Variants in SCGB3A1 observed in about 807,000 individuals in gnomAD.
SCGB3A1 encodes secretoglobin family 3A member 1, also known as cytokine HIN-1.
A neutral mutation model predicts 7.6 loss-of-function variants in SCGB3A1; 7 were observed. The observed-to-expected ratio is 0.93, with a 90% CI of 0.53 to 1.74. SCGB3A1 has a LOEUF of 1.74. Among genes scored for constraint, SCGB3A1 ranks in the 40% most tolerant of loss-of-function variants. The probability of loss-of-function intolerance (pLI) is 0.00; values close to 1 mark genes in which losing one functional copy is unlikely to be tolerated. For synonymous variants in SCGB3A1, 67 were observed against 66.6 expected, an observed-to-expected ratio of 1.01 and a Z score of -0.03; for missense variants, 119 against 129.0, an observed-to-expected ratio of 0.92 and a Z score of 0.38.
rs1381392472 is a variant in SCGB3A1 at position 180,590,111 on chromosome 5, T to TA, written c.*119dup. 8.5e-7 allele frequency: 1 copy of TA among 1,177,004 alleles called. No homozygotes were observed. Among genetic ancestry groups the TA allele is most frequent in the Non-Finnish European group, 1.2e-6 (1 of 806,780 alleles). 72.9% of individuals were successfully genotyped at this position (1,177,004 alleles called of 1,614,324 possible). On this transcript the variant is annotated 3_prime_UTR_variant, in exon 3 of 3. Coordinates refer to ENST00000292641, the MANE Select transcript of SCGB3A1 (RefSeq NM_052863.3). Reference sequence around the variant, plus strand: ...GAAAATACCAGGCTCGAGCTGCTCTTAACCACGTTTATTGAGAGGGGCCGG... The same window carrying TA: ...GAAAATACCAGGCTCGAGCTGCTCTTAAACCACGTTTATTGAGAGGGGCCGG...
chr5:180,591,172 G>A (rs1451675475), intron 1 of SCGB3A1: 4 of 408,338 alleles, frequency 9.8e-6, no homozygotes, highest in African/African-American at 6.2e-5. Flanking sequence ...CTCCAGACGG[G>A]GGGCAGACGG....
chr5:180,591,381 C>T lies in SCGB3A1; in HGVS notation c.52+30G>A, dbSNP rs1280025833. 5 of 1,221,152 alleles carry T rather than the reference C, an allele frequency of 4.1e-6. No individual in the cohort carries two copies. In the East Asian group the frequency reaches 1.3e-4, roughly 32 times the overall value. The allele number at this position is 1,221,152 out of a possible 1,614,324, so 75.6% of individuals were successfully genotyped here. ...GCGGGCGCCGAGGCCTCAGGCCCCACCGTGCGCGCCAGGAGCCCGGGGCGC... is the reference window on the plus strand; with the variant it reads ...GCGGGCGCCGAGGCCTCAGGCCCCATCGTGCGCGCCAGGAGCCCGGGGCGC... On this transcript the variant is annotated intron_variant, in intron 1 of 2. Coordinates refer to ENST00000292641, the MANE Select transcript of SCGB3A1 (RefSeq NM_052863.3).
At chr5:180,591,180 C>T (rs1368540201) in intron 1 of SCGB3A1, 2 of 406,348 alleles carry the variant, frequency 4.9e-6, no homozygotes, top group Non-Finnish European at 8.6e-6. Context: ...GGGGGGCAGA[C>T]GGGTGTCCCC....
chr5:180,591,417 T>C lies in SCGB3A1; in HGVS notation c.46A>G (p.Ser16Gly), dbSNP rs1343792741. 8.2e-7 allele frequency: 1 copy of C among 1,226,668 alleles called. No homozygotes were observed. The highest frequency in any genetic ancestry group is 4.3e-5 in the Admixed American group (1 of 23,484). 76.0% of individuals were successfully genotyped at this position (1,226,668 alleles called of 1,614,324 possible). The change falls in exon 1 of 3, where the codon AGC becomes GGC. Residue 16 changes from serine (S) to glycine (G), a missense_variant. By Grantham distance (56) the Ser-to-Gly change is moderately conservative. Coordinates refer to ENST00000292641, the MANE Select transcript of SCGB3A1 (RefSeq NM_052863.3). Reference protein sequence around the residue: ...LLGLCVALSCSSAAAFLVGSA... With the variant: ...LLGLCVALSCGSAAAFLVGSA... ...AGGAGCCCGGGGCGCTCACCGGAGC[T>C]GCAGGACAGGGCCACGCAGAGCCCC...
intron 2 of SCGB3A1, 43 bp downstream of exon 2, chr5:180,590,557 A>C (rs1327134438): frequency 2.0e-6 from 3 of 1,490,352 alleles, no homozygotes; most frequent in Non-Finnish European, 2.8e-6. Flanking sequence ...CTGGCCGGGA[A>C]GGGATGCCCG....
At chr5:180,591,314 G>T in intron 1 of SCGB3A1, 97 bp downstream of exon 1, 1 of 1,022,588 alleles carries the variant, frequency 9.8e-7, no homozygotes, top group Non-Finnish European at 1.2e-6. Flanking sequence ...AGGCTGGAAG[G>T]ACCTGGGATC....
Position 180,590,167 on chromosome 5 carries a change from G to A in SCGB3A1, c.*64C>T. The A allele has an allele frequency of 1.3e-6, 2 of 1,545,832 alleles. No homozygotes were observed. Among genetic ancestry groups the A allele is most frequent in the Non-Finnish European group, 1.8e-6 (2 of 1,137,964 alleles). On this transcript the variant is annotated 3_prime_UTR_variant, in exon 3 of 3. Coordinates refer to ENST00000292641, the MANE Select transcript of SCGB3A1 (RefSeq NM_052863.3). ...GGGGATGGACGGTCCTCCCCGCGGCGGGGTTTTCAGCCCTCGCGGGTGGGC... is the reference window on the plus strand; with the variant it reads ...GGGGATGGACGGTCCTCCCCGCGGCAGGGTTTTCAGCCCTCGCGGGTGGGC...
chr5:180,590,392 G>C, intron 2 of SCGB3A1, 138 bp from the exon 3 acceptor site: 1 of 1,215,438 alleles, frequency 8.2e-7, no homozygotes, highest in Non-Finnish European at 1.2e-6. Flanking sequence ...GCACCCGCGC[G>C]GGGCCATCTC....
At chr5:180,590,957 G>T (rs1009939563) in intron 1 of SCGB3A1, 119 bp from the exon 2 acceptor site, 5 of 716,906 alleles carry the variant, frequency 7.0e-6, no homozygotes, top group Non-Finnish European at 1.1e-5. Context: ...CTCCCCGACC[G>T]CCCCTCCCTC....
chr5:180,591,117 AG>A (rs1761307282), intron 1 of SCGB3A1: 1 of 440,002 alleles, frequency 2.3e-6, no homozygotes, highest in East Asian at 3.7e-5. Context: ...CAGGCCCCCA[AG>A]GGAGGGGACA....
intron 1 of SCGB3A1, 140 bp from the exon 2 acceptor site, chr5:180,590,978 G>C: frequency 1.6e-6 from 1 of 624,010 alleles, no homozygotes; most frequent in Non-Finnish European, 2.6e-6. Context: ...CTGCGCCGAG[G>C]CCTGCCAGGT....
chr5:180,590,977 G>A, intron 1 of SCGB3A1, 139 bp from the exon 2 acceptor site: 1 of 624,236 alleles, frequency 1.6e-6, no homozygotes, highest in Non-Finnish European at 2.6e-6. Context: ...CCTGCGCCGA[G>A]GCCTGCCAGG....
chr5:180,591,253 G>C (rs1391638307), intron 1 of SCGB3A1, 158 bp downstream of exon 1: 16 of 509,248 alleles, frequency 3.1e-5, no homozygotes, highest in Middle Eastern at 5.8e-4. Context: ...GGGAGGCCGC[G>C]GGCTGCAGGC....
At position 180,590,585 on chromosome 5, in the gene SCGB3A1, G is replaced by C. The variant is rs1424927043; in HGVS notation, c.291+15C>G. ...GATGCCCGCGCAGGAAGGGCACCCG[G>C]GGTGCCCACTTTACCAGCAGGGCCT... On this transcript the variant is annotated intron_variant, in intron 2 of 2. Coordinates refer to ENST00000292641, the MANE Select transcript of SCGB3A1 (RefSeq NM_052863.3). The C allele has an allele frequency of 3.8e-6, 6 of 1,593,354 alleles. No homozygotes were observed. Among genetic ancestry groups the C allele is most frequent in the Non-Finnish European group, 5.1e-6 (6 of 1,167,958 alleles).
At chr5:180,590,316 C>T (rs1260551450) in intron 2 of SCGB3A1, 62 bp from the exon 3 acceptor site, 9 of 1,550,202 alleles carry the variant, frequency 5.8e-6, no homozygotes, top group African/African-American at 1.4e-5. Flanking sequence ...CAGGCGGGGG[C>T]GCGGCAGCGG....
chr5:180,590,489 G>C, intron 2 of SCGB3A1, 111 bp downstream of exon 2: 1 of 983,550 alleles, frequency 1.0e-6, no homozygotes, highest in Non-Finnish European at 1.5e-6. Flanking sequence ...GGCTTGGAGG[G>C]GCAGGACGGG....
intron 2 of SCGB3A1, 53 bp downstream of exon 2, chr5:180,590,547 C>T: frequency 7.0e-7 from 1 of 1,438,558 alleles, no homozygotes; most frequent in Non-Finnish European, 9.6e-7. Flanking sequence ...AGTTTTGAGG[C>T]TGGCCGGGAA....
rs1222897753 is a variant in SCGB3A1, at chr5:180,590,139, G to A, written c.*92C>T. On this transcript the variant is annotated 3_prime_UTR_variant, in exon 3 of 3. Transcript: ENST00000292641. ...CCACGTTTATTGAGAGGGGCCGGGG[G>A]AAGGGGATGGACGGTCCTCCCCGCG... is the stretch of plus-strand genomic sequence containing the variant. 7 of 1,375,954 alleles carry A rather than the reference G, an allele frequency of 5.1e-6. No individual in the cohort carries two copies. The Admixed American group carries it at 7.9e-5, about 15-fold the overall frequency. The allele number at this position is 1,375,954 out of a possible 1,614,324, so 85.2% of individuals were successfully genotyped here. A position where few individuals can be genotyped will look rare whatever the true frequency, so the allele number is the denominator to read the frequency against.
rs1761303437 is a variant in SCGB3A1, at chr5:180,590,910, C to T, written c.53-72G>A. 1.0e-5 allele frequency: 12 copies of T among 1,147,688 alleles called. 1 individual carries two copies. In the South Asian group the frequency reaches 1.7e-4, roughly 17 times the overall value. 71.1% of individuals were successfully genotyped at this position (1,147,688 alleles called of 1,614,324 possible). Reference sequence around the variant, plus strand: ...AGAAGGCAGGTCCAGGACGCGCCCCCGCGGGAGGCGCCCAGGAACCGTCGC... The same window carrying T: ...AGAAGGCAGGTCCAGGACGCGCCCCTGCGGGAGGCGCCCAGGAACCGTCGC... On this transcript the variant is annotated intron_variant, in intron 1 of 2. Coordinates refer to ENST00000292641, the MANE Select transcript of SCGB3A1 (RefSeq NM_052863.3).
Sources: allele counts gnomAD v4.1 joint callset, GRCh38; gene constraint gnomAD v4.1.1; transcripts MANE v1.5; gene names NCBI Gene and HGNC (gene_info 2026-07-23, HGNC 2026-07-21).